RYR3: variants seen among roughly 807,000 people sequenced by gnomAD.
RYR3 encodes the protein ryanodine receptor 3, also known as brain ryanodine receptor-calcium release channel.
A neutral mutation model predicts 584.3 loss-of-function variants in RYR3; 207 were observed. That is an observed-to-expected ratio of 0.35 (90% CI 0.32 to 0.40). The LOEUF (loss-of-function observed/expected upper bound fraction) is 0.40. Ranked by LOEUF, RYR3 falls within the 10% of genes least tolerant of loss-of-function variation. The pLI is 1.00. For synonymous variants in RYR3, 2,416 were observed against 2,248.5 expected, an observed-to-expected ratio of 1.07 and a Z score of -2.11; for missense variants, 5,616 against 6,089.2, an observed-to-expected ratio of 0.92 and a Z score of 2.59.
Position 33,601,470 on chromosome 15 carries a change from G to A in RYR3, c.1840G>A (p.Ala614Thr), listed in dbSNP as rs199726068. The A allele has an allele frequency of 2.2e-4, 350 of 1,613,448 alleles. No individual in the cohort carries two copies. Among genetic ancestry groups the A allele is most frequent in the Middle Eastern group, 1.6e-4 (1 of 6,062 alleles). The stretch of plus-strand genomic sequence containing the variant: ...TCTCTGCAATGGGGTTGCAGTGAGA[G>A]CCAACCAGAATCTGATCTGTGACAA... ...LCLCNGVAVRANQNLICDNLL... is the reference protein window; with the variant it reads ...LCLCNGVAVRTNQNLICDNLL... The change falls in exon 17 of 104, where the codon GCC (alanine) becomes ACC (threonine). Residue 614 changes from alanine (A) to threonine (T), a missense_variant. Physicochemically the swap from Ala to Thr is moderately conservative, Grantham distance 58. Around this residue, in one of 9 missense-constraint regions of RYR3, gnomAD observed 1,284 missense variants for 1,344.6 expected, o/e 0.95. Transcript: ENST00000634891.
intron 32 of RYR3, among the ~76,000 whole-genome samples, chr15:33,655,823 T>TA (rs2062795849): frequency 6.6e-6 from 1 of 152,216 alleles, no homozygotes; most frequent in Admixed American, 6.5e-5. Context: ...GGATCGTTGT[T>TA]ATTCCACAGC....
At position 33,473,446 on chromosome 15, in the gene RYR3, G is replaced by A. The variant is rs201612485; in HGVS notation, c.79G>A (p.Ala27Thr). 52 of 1,613,790 alleles carry A rather than the reference G, an allele frequency of 3.2e-5. No homozygotes were observed. Among genetic ancestry groups the A allele is most frequent in the East Asian group, 1.1e-4 (5 of 44,872 alleles). ...GGATGAAGTGGTACTCCAGTGCATC[G>A]CCACCATTCATAAGGAGCAGAGGAA... is the stretch of plus-strand genomic sequence containing the variant. ...TEDEVVLQCI[A>T]TIHKEQRKFC... The change falls in exon 2 of 104, where the codon GCC (alanine) becomes ACC (threonine). Residue 27 changes from alanine (A) to threonine (T), a missense_variant. Around this residue, in one of 9 missense-constraint regions of RYR3, gnomAD observed 1,284 missense variants for 1,344.6 expected, o/e 0.95. Transcript: ENST00000634891.
chr15:33,659,866 G>A, intron 33 of RYR3, 60 bp downstream of exon 33: 1 of 1,181,766 alleles, frequency 8.5e-7, no homozygotes, highest in Non-Finnish European at 1.3e-6. Context: ...TAACCATTAG[G>A]GGGAAAATCC....
chr15:33,421,795 C>G (rs747634779), intron 1 of RYR3, among the ~76,000 whole-genome samples: 8 of 152,106 alleles, frequency 5.3e-5, no homozygotes, highest in Non-Finnish European at 7.4e-5. Flanking sequence ...TATATCAGTT[C>G]CATCTGTTAG....
chr15:33,857,602 G>T (rs2079828466), intron 98 of RYR3, among the ~76,000 whole-genome samples, 178 bp from the exon 99 acceptor site: 1 of 152,044 alleles, frequency 6.6e-6, no homozygotes, highest in African/African-American at 2.4e-5. Context: ...TACCTGTGGT[G>T]CCATCTTTCC....
intron 3 of RYR3, among the ~76,000 whole-genome samples, chr15:33,511,329 TAAAAA>T (rs34328973): frequency 1.7e-5 from 2 of 119,374 alleles, no homozygotes; most frequent in East Asian, 2.4e-4. Context: ...TTTCTCTCTT[TAAAAA>T]AAAAAAAAAA....
chr15:33,522,199 G>A (rs142010942), intron 3 of RYR3, among the ~76,000 whole-genome samples: 3,868 of 151,844 alleles, frequency 0.025, 64 homozygotes, highest in Non-Finnish European at 0.04. Context: ...GGGGGCAGAG[G>A]CTGCAGTGAG....
At chr15:33,696,536 G>T in intron 39 of RYR3, 45 bp downstream of exon 39, 1 of 1,589,384 alleles carries the variant, frequency 6.3e-7, no homozygotes, top group Non-Finnish European at 8.6e-7. Context: ...GGAGCTTTAA[G>T]TGGGAAAACT....
At chr15:33,861,423 A>G (rs1006457620) in intron 102 of RYR3, among the ~76,000 whole-genome samples, 7 of 151,936 alleles carry the variant, frequency 4.6e-5, no homozygotes, top group African/African-American at 1.7e-4. Flanking sequence ...TCCGGGACAC[A>G]TACCTCCAGC....
chr15:33,311,063 A>G lies in RYR3; in HGVS notation c.18A>G (p.Glu6=), dbSNP rs760060054. Residue 6 remains glutamate, a synonymous_variant, in exon 1 of 104, where the codon GAA becomes GAG. Coordinates refer to ENST00000634891, the MANE Select transcript of RYR3 (RefSeq NM_001036.6). This position sits in a 1 kb window ranked among gnomAD's most constrained non-coding sequence, Gnocchi z 4.4. Reference sequence around the variant, plus strand: ...CGGGAGCCATGGCCGAAGGGGGAGAAGGAGGCGAGGACGAGATCCAGTTTC... The same window carrying G: ...CGGGAGCCATGGCCGAAGGGGGAGAGGGAGGCGAGGACGAGATCCAGTTTC... MAEGG[E]GGEDEIQFLR... 2 of 1,582,820 alleles carry G rather than the reference A, an allele frequency of 1.3e-6. No individual in the cohort carries two copies. Among genetic ancestry groups the G allele is most frequent in the Admixed American group, 3.5e-5 (2 of 56,636 alleles).
chr15:33,315,754 G>C (rs2140475691), intron 1 of RYR3, among the ~76,000 whole-genome samples: 1 of 152,318 alleles, frequency 6.6e-6, no homozygotes, highest in South Asian at 2.1e-4. Context: ...AATCAGAAAG[G>C]CCGCATCAGC....
intron 11 of RYR3, among the ~76,000 whole-genome samples, chr15:33,564,390 C>T (rs944497587): frequency 2.0e-5 from 3 of 152,074 alleles, no homozygotes; most frequent in Admixed American, 6.5e-5. Flanking sequence ...AGTCAGGGTT[C>T]GGGGTATGAC....
intron 77 of RYR3, among the ~76,000 whole-genome samples, chr15:33,820,177 CTCTGGA>C (rs1397549273): frequency 6.6e-6 from 1 of 152,232 alleles, no homozygotes; most frequent in Non-Finnish European, 1.5e-5. Context: ...GCTCCCGGTG[CTCTGGA>C]AGAGGCAGTG....
intron 77 of RYR3, among the ~76,000 whole-genome samples, chr15:33,820,174 G>A (rs973753022): frequency 6.6e-6 from 1 of 152,208 alleles, no homozygotes; most frequent in African/African-American, 2.4e-5. Context: ...AGAGCTCCCG[G>A]TGCTCTGGAA....
intron 69 of RYR3, among the ~76,000 whole-genome samples, chr15:33,805,630 A>G (rs1567207916): frequency 6.6e-6 from 1 of 151,778 alleles, no homozygotes; most frequent in Admixed American, 6.6e-5. Context: ...GGTGCCCGCC[A>G]CCACGCCCGG....
chr15:33,400,542 G>A (rs1421820011), intron 1 of RYR3, among the ~76,000 whole-genome samples: 1 of 152,208 alleles, frequency 6.6e-6, no homozygotes, highest in Non-Finnish European at 1.5e-5. Context: ...GCTGCAGAGG[G>A]CTGAGTTCTA....
At chr15:33,738,904 G>A (rs780331864) in intron 50 of RYR3, among the ~76,000 whole-genome samples, 9 of 152,106 alleles carry the variant, frequency 5.9e-5, no homozygotes, top group Non-Finnish European at 8.8e-5. Flanking sequence ...CTCCCCATTC[G>A]TTTCCCCCTG....
At chr15:33,798,073 G>A (rs983793049) in intron 67 of RYR3, among the ~76,000 whole-genome samples, 2 of 108,606 alleles carry the variant, frequency 1.8e-5, no homozygotes, top group African/African-American at 3.9e-5. Context: ...TCATGCCTTT[G>A]TCTGTCTGTC....
intron 1 of RYR3, among the ~76,000 whole-genome samples, chr15:33,456,959 T>C (rs1460405159): frequency 6.6e-6 from 1 of 152,242 alleles, no homozygotes; most frequent in African/African-American, 2.4e-5. Flanking sequence ...TGATAAATAC[T>C]GCATAATGAC....
Sources: gnomAD v4.1 joint callset for allele counts (sites outside exome capture counted in the v4.1 genomes callset) on GRCh38, gnomAD v4.1.1 for gene constraint, gnomAD v4.1.1 regional missense constraint, Gnocchi (gnomAD v3.1) non-coding constraint, MANE v1.5 for transcripts, NCBI Gene and HGNC (gene_info 2026-07-23, HGNC 2026-07-21) for gene names.